Variants in FOXP1 observed in about 807,000 individuals in gnomAD.
FOXP1 encodes the protein forkhead box P1, also known as forkhead box protein P1.
In FOXP1, 15 loss-of-function variants were observed where a neutral mutation model predicts 98.2. The observed-to-expected ratio is 0.15, with a 90% CI of 0.10 to 0.24. FOXP1 has a LOEUF of 0.24. Among genes scored for constraint, FOXP1 ranks in the 10% least tolerant of loss-of-function variants. FOXP1 has a pLI of 1.00. For missense variants in FOXP1, 633 were observed against 848.5 expected (o/e 0.75, Z 3.15); for synonymous variants, 371 against 314.5 (o/e 1.18, Z -1.90).
At chr3:71,286,782 T>A (rs750310825) in intron 5 of FOXP1, among the ~76,000 whole-genome samples, 4 of 152,196 alleles carry the variant, frequency 2.6e-5, no homozygotes, top group African/African-American at 4.8e-5. Flanking sequence ...CTCTACCTCA[T>A]GCTATCACAG....
intron 18 of FOXP1, 72 bp downstream of exon 18, chr3:70,972,483 G>C: frequency 6.3e-7 from 1 of 1,599,480 alleles, no homozygotes; most frequent in Non-Finnish European, 8.6e-7. Context: ...CCATCTAGCA[G>C]CCAAAGCCTC....
chr3:71,488,081 G>C (rs2090795684), intron 3 of FOXP1, among the ~76,000 whole-genome samples: 2 of 151,574 alleles, frequency 1.3e-5, no homozygotes, highest in Non-Finnish European at 2.9e-5. Context: ...ACCTCCTTAG[G>C]GACCTAACCA....
intron 6 of FOXP1, among the ~76,000 whole-genome samples, chr3:71,132,718 T>C (rs2059632105): frequency 6.6e-6 from 1 of 152,162 alleles, no homozygotes; most frequent in African/African-American, 2.4e-5. Context: ...CATTAAAATA[T>C]GGATTAAAAA....
At chr3:71,257,360 T>A (rs2068715819) in intron 5 of FOXP1, among the ~76,000 whole-genome samples, 1 of 152,046 alleles carries the variant, frequency 6.6e-6, no homozygotes, top group African/African-American at 2.4e-5. Context: ...GCAGATCACC[T>A]AAGGTCAGAA....
intron 7 of FOXP1, among the ~76,000 whole-genome samples, chr3:71,105,060 G>C (rs1412592012): frequency 6.6e-6 from 1 of 152,186 alleles, no homozygotes; most frequent in Non-Finnish European, 1.5e-5. Flanking sequence ...TTAAGCAGCT[G>C]ATTGTGGAAC....
intron 7 of FOXP1, among the ~76,000 whole-genome samples, chr3:71,089,793 G>A (rs143879514): frequency 6.6e-6 from 1 of 152,328 alleles, no homozygotes; most frequent in East Asian, 1.9e-4. Context: ...GGCCACTATA[G>A]CGTGCTGTTG....
intron 6 of FOXP1, chr3:71,130,693 T>C (rs754083958): frequency 3.0e-5 from 47 of 1,567,740 alleles, no homozygotes; most frequent in African/African-American, 6.7e-5. Context: ...TTGCCCTTTG[T>C]AGGCAACCTC....
At chr3:71,266,587 T>C (rs1026692193) in intron 5 of FOXP1, among the ~76,000 whole-genome samples, 3 of 152,118 alleles carry the variant, frequency 2.0e-5, no homozygotes, top group Non-Finnish European at 2.9e-5. Context: ...TATATTTTTG[T>C]TATTTTATTT....
intron 7 of FOXP1, among the ~76,000 whole-genome samples, chr3:71,111,950 G>A (rs976202085): frequency 5.9e-5 from 9 of 152,094 alleles, no homozygotes; most frequent in African/African-American, 1.7e-4. Context: ...AGTTCTTGAT[G>A]CTATTGACAT....
intron 3 of FOXP1, among the ~76,000 whole-genome samples, chr3:71,438,637 C>G (rs373036423): frequency 6.6e-6 from 1 of 151,928 alleles, no homozygotes; most frequent in Non-Finnish European, 1.5e-5. Flanking sequence ...TCATTTATAC[C>G]CCCCAGCAGT....
Position 71,186,208 on chromosome 3 carries a change from C to A in FOXP1, c.180+11994G>T, listed in dbSNP as rs150019815. 3.4e-4 allele frequency among the ~76,000 whole-genome samples: 52 copies of A among 152,308 alleles called. No homozygotes were observed. The East Asian group carries it at 9.1e-3, about 27-fold the overall frequency. ...TTTGGCATGGAGCCAGGGCCAAGGA[C>A]ATCTGTCTGCTCTGTGAGTGACTCA... On this transcript the variant is annotated intron_variant, in intron 6 of 20. Coordinates refer to ENST00000649528, the MANE Select transcript of FOXP1 (RefSeq NM_001349338.3).
At position 71,198,261 on chromosome 3, in the gene FOXP1, T is replaced by C. The variant is rs2063422516; in HGVS notation, c.121A>G (p.Thr41Ala). 6.8e-6 allele frequency: 11 copies of C among 1,614,154 alleles called. No homozygotes were observed. Among genetic ancestry groups the C allele is most frequent in the Non-Finnish European group, 8.5e-6 (10 of 1,180,036 alleles). Residue 41 changes from threonine to alanine, a missense_variant, in exon 6 of 21, where the codon ACG becomes GCG. Physicochemically the swap from Thr to Ala is moderately conservative, Grantham distance 58. This residue lies in a region of FOXP1 where 103 missense variants were observed against 85.5 expected (regional missense o/e 1.20). Coordinates refer to ENST00000649528, the MANE Select transcript of FOXP1 (RefSeq NM_001349338.3). ...GLREGRSNGETPAVDIGAADL... is the reference protein window; with the variant it reads ...GLREGRSNGEAPAVDIGAADL... ...GCTGCCCCGATGTCCACGGCCGGCG[T>C]CTCTCCGTTGGACCGCCCCTCCCGA... is the stretch of plus-strand genomic sequence containing the variant.
At chr3:71,582,522 C>T (rs1435554545) in intron 1 of FOXP1, 1 of 985,340 alleles carries the variant, frequency 1.0e-6, no homozygotes, top group Non-Finnish European at 1.2e-6. Context: ...CCATCGGCCG[C>T]CAGGACAGGG....
intron 5 of FOXP1, among the ~76,000 whole-genome samples, chr3:71,278,112 C>T (rs1022695238): frequency 6.6e-6 from 1 of 152,048 alleles, no homozygotes; most frequent in Non-Finnish European, 1.5e-5. Context: ...TCTGTGCCTG[C>T]GGGAAACAGT....
intron 2 of FOXP1, among the ~76,000 whole-genome samples, chr3:71,556,665 CT>C (rs557870209): frequency 0.17 from 22,595 of 136,484 alleles, 2,081 homozygotes; most frequent in Non-Finnish European, 0.23. Context: ...CTGCCATAGT[CT>C]TTTTTTTTTT....
chr3:71,441,636 G>A (rs1327187142), intron 3 of FOXP1, among the ~76,000 whole-genome samples: 2 of 152,222 alleles, frequency 1.3e-5, no homozygotes, highest in African/African-American at 4.8e-5. Flanking sequence ...CAGTACCACT[G>A]GTGGAATTTT....
intron 3 of FOXP1, among the ~76,000 whole-genome samples, chr3:71,376,277 A>T (rs1482836990): frequency 3.9e-5 from 6 of 152,106 alleles, no homozygotes; most frequent in Admixed American, 3.9e-4. Flanking sequence ...CAGCTACATG[A>T]TGTGGCTGAG....
intron 7 of FOXP1, among the ~76,000 whole-genome samples, chr3:71,085,533 G>A (rs2054947088): frequency 6.6e-6 from 1 of 151,780 alleles, no homozygotes; most frequent in African/African-American, 2.4e-5. Flanking sequence ...GAAATTCCAG[G>A]TGAAGATTAC....
At chr3:71,250,922 C>A (rs891880797) in intron 5 of FOXP1, among the ~76,000 whole-genome samples, 9 of 151,718 alleles carry the variant, frequency 5.9e-5, no homozygotes, top group Non-Finnish European at 1.0e-4. Flanking sequence ...CAGAGTGAGA[C>A]TGTGTCTCAA....
Sources: allele counts gnomAD v4.1 joint callset (sites outside exome capture counted in the v4.1 genomes callset), GRCh38; gene constraint gnomAD v4.1.1; regional missense constraint gnomAD v4.1.1; transcripts MANE v1.5; gene names NCBI Gene and HGNC (gene_info 2026-07-23, HGNC 2026-07-21).